SAA2: variants seen among roughly 807,000 people sequenced by gnomAD.
SAA2 encodes the protein serum amyloid A2.
A neutral mutation model predicts 9.1 loss-of-function variants in SAA2; 5 were observed. The ratio of observed to expected loss-of-function variants is 0.55; its 90% confidence interval spans 0.29 to 1.16. SAA2 has a LOEUF of 1.16. Ranked by LOEUF, SAA2 falls within the 50% of genes most tolerant of loss-of-function variation. The pLI is 0.09. For missense variants in SAA2, 94 were observed against 153.8 expected, an observed-to-expected ratio of 0.61 and a Z score of 2.06; for synonymous variants, 49 against 59.8, an observed-to-expected ratio of 0.82 and a Z score of 0.83.
chr11:18,239,697 G>A, exon 4 of SAA2: 1 of 434,928 alleles, frequency 2.3e-6, no homozygotes, highest in South Asian at 7.8e-5. Flanking sequence ...CCCAACAGCT[G>A]CTCCTTCTCA....
At chr11:18,240,189 CT>C in intron 3 of SAA2, 1 of 719,712 alleles carries the variant, frequency 1.4e-6, no homozygotes, top group Admixed American at 2.0e-5. Context: ...AGAAATTAAC[CT>C]GTAAATGATT....
chr11:18,242,879 CA>C (rs1857389445), downstream of SAA2: 1 of 692,464 alleles, frequency 1.4e-6, no homozygotes, highest in African/African-American at 1.8e-5. Flanking sequence ...ACAACTATAA[CA>C]AAGAGCAATG....
downstream of SAA2, among the ~76,000 whole-genome samples, chr11:18,244,735 A>G (rs1857450995): frequency 2.0e-5 from 3 of 152,208 alleles, no homozygotes; most frequent in African/African-American, 4.8e-5. Flanking sequence ...GTCGCATTAC[A>G]TATTTAGACT....
At chr11:18,243,656 A>G (rs1857414947), downstream of SAA2, among the ~76,000 whole-genome samples, 1 of 152,206 alleles carries the variant, frequency 6.6e-6, no homozygotes, top group Non-Finnish European at 1.5e-5. Context: ...TCTTTTGATG[A>G]GAACTGTATG....
chr11:18,244,118 A>C (rs1400891684), downstream of SAA2, among the ~76,000 whole-genome samples: 1 of 152,212 alleles, frequency 6.6e-6, no homozygotes, highest in Non-Finnish European at 1.5e-5. Flanking sequence ...TTTCTGTGGC[A>C]CCTCAGTAGG....
At chr11:18,240,010 G>T (rs1381819560) in intron 3 of SAA2, 2 of 1,548,982 alleles carry the variant, frequency 1.3e-6, no homozygotes, top group South Asian at 1.2e-5. Flanking sequence ...TCATATACAC[G>T]TATTTTAACA....
downstream of SAA2, among the ~76,000 whole-genome samples, chr11:18,243,209 T>C (rs1520885): frequency 0.16 from 24,621 of 152,202 alleles, 2,465 homozygotes; most frequent in East Asian, 0.48. Flanking sequence ...TGAATTTCTG[T>C]ATCCAAATGT....
At chr11:18,239,891 C>T (rs1389632197) in exon 4 of SAA2, 1 of 1,534,942 alleles carries the variant, frequency 6.5e-7, no homozygotes, top group Non-Finnish European at 8.8e-7. Context: ...TCTTCATTGC[C>T]TGGATCAATG....
chr11:18,242,000 A>G (rs970415389), downstream of SAA2: 1 of 152,220 alleles, frequency 6.6e-6, no homozygotes, highest in African/African-American at 2.4e-5. Context: ...TAATTCAATG[A>G]CATGTTTAAA....
chr11:18,239,912 G>C, exon 4 of SAA2: 1 of 1,547,692 alleles, frequency 6.5e-7, no homozygotes, highest in Non-Finnish European at 8.7e-7. Flanking sequence ...CCTGGGTCAT[G>C]TAGGAGTGAA....
chr11:18,245,547 T>C (rs763957636), intron 3 of SAA2, 32 bp from the exon 4 acceptor site: 5 of 1,612,410 alleles, frequency 3.1e-6, no homozygotes, highest in Admixed American at 1.7e-5. Context: ...AGGAGATTAA[T>C]CATCAGGCCA....
chr11:18,247,129 G>A (rs891772283), intron 2 of SAA2, among the ~76,000 whole-genome samples: 3 of 152,274 alleles, frequency 2.0e-5, no homozygotes, highest in Non-Finnish European at 4.4e-5. Context: ...TCACAGAAGG[G>A]ATGCCTGCCT....
downstream of SAA2, chr11:18,240,245 A>C: frequency 1.4e-6 from 1 of 703,538 alleles, no homozygotes; most frequent in Non-Finnish European, 2.6e-6. Flanking sequence ...TCATCTTTTG[A>C]AAAAGTCCAT....
chr11:18,245,640 TG>T (rs1458301708), intron 3 of SAA2, 125 bp from the exon 4 acceptor site: 47 of 1,406,924 alleles, frequency 3.3e-5, no homozygotes, highest in Middle Eastern at 1.8e-4. Context: ...GAAGGAGGAG[TG>T]AAAACACTGA....
chr11:18,239,187 T>A (rs1857274674), downstream of SAA2: 1 of 152,374 alleles, frequency 6.6e-6, no homozygotes, highest in African/African-American at 2.4e-5. Context: ...TGTTGAATAG[T>A]CCGTCTTTTA....
exon 4 of SAA2, chr11:18,239,426 T>C (rs899843977): frequency 1.5e-5 from 5 of 338,954 alleles, no homozygotes; most frequent in Non-Finnish European, 2.1e-5. Context: ...AGTTTTTGTA[T>C]CCACACCTTC....
At chr11:18,238,584 G>T (rs997498350), downstream of SAA2, among the ~76,000 whole-genome samples, 17 of 152,092 alleles carry the variant, frequency 1.1e-4, no homozygotes, top group Admixed American at 1.1e-3. Context: ...TTTTGGTACA[G>T]CCATGCAATG....
chr11:18,238,727 C>T (rs1205948379), downstream of SAA2, among the ~76,000 whole-genome samples: 1 of 152,064 alleles, frequency 6.6e-6, no homozygotes, highest in Non-Finnish European at 1.5e-5. Flanking sequence ...TATAGTCCCC[C>T]GTTGTGCTAT....
In SAA2 at chr11:18,245,426, C is replaced by T; in HGVS notation, c.320G>A (p.Gly107Asp). ...AGGTCGGAAGTGATTGGGGTCTCTGCCACTCCTGCCCCATTTATTGGCAGC... is the reference window on the plus strand; with the variant it reads ...AGGTCGGAAGTGATTGGGGTCTCTGTCACTCCTGCCCCATTTATTGGCAGC... Reference protein sequence around the residue: ...DQAANKWGRSGRDPNHFRPAG... With the variant: ...DQAANKWGRSDRDPNHFRPAG... The change falls in exon 4 of 4, where the codon GGC becomes GAC. Residue 107 changes from glycine to aspartate, a missense_variant. Coordinates refer to ENST00000256733, the MANE Select transcript of SAA2 (RefSeq NM_030754.5). The T allele has an allele frequency of 3.7e-6, 6 of 1,614,230 alleles. No individual in the cohort carries two copies. The Middle Eastern group carries it at 8.2e-4, about 222-fold the overall frequency.
Sources: gnomAD v4.1 joint callset for allele counts (sites outside exome capture counted in the v4.1 genomes callset) on GRCh38, gnomAD v4.1.1 for gene constraint, MANE v1.5 for transcripts, NCBI Gene and HGNC (gene_info 2026-07-23, HGNC 2026-07-21) for gene names.